Variants in USP9Y observed in about 807,000 individuals in gnomAD.
USP9Y encodes ubiquitin specific peptidase 9 Y-linked.
In USP9Y, 41 loss-of-function variants were observed where a neutral mutation model predicts 53.1. The ratio of observed to expected loss-of-function variants is 0.77; its 90% CI spans 0.60 to 1.00. The LOEUF (loss-of-function observed/expected upper bound fraction) is 1.00, where lower values mean the gene tolerates loss of function less well. Ranked by LOEUF, USP9Y falls within the 50% of genes least tolerant of loss-of-function variation. USP9Y has a pLI of 0.00. For missense variants in USP9Y, 567 were observed against 535.8 expected (o/e 1.06, Z -0.58); for synonymous variants, 220 against 173.7 (o/e 1.27, Z -2.09).
At chrY:12,826,435 TTA>T (rs2053546170) in intron 33 of USP9Y, among the ~76,000 whole-genome samples, 1 of 29,402 alleles carries the variant, frequency 3.4e-5, no homozygotes, top group Non-Finnish European at 8.1e-5. Context: ...AATACAGAAA[TTA>T]GCTGGGCATG....
intron 3 of USP9Y, among the ~76,000 whole-genome samples, chrY:12,714,105 C>A: frequency 1.0e-4 from 3 of 30,038 alleles, no homozygotes; most frequent in African/African-American, 2.6e-4. Flanking sequence ...GTTGGTCAGG[C>A]TGGTCTCAAG....
chrY:12,856,839 A>G lies in USP9Y; in HGVS notation c.7428A>G (p.Pro2476=). 5.2e-6 allele frequency: 2 copies of G among 381,977 alleles called. No homozygotes were observed. Among genetic ancestry groups the G allele is most frequent in the African/African-American group, 1.4e-4 (2 of 14,799 alleles). ...TTGCAAAAGCTTGTGAACTCTGTCC[A>G]GAAGAGGTAAAAAAAAAAAAGGCTA... ...MTLAKACELC[P]EEEPDDQDAP... Residue 2476 remains proline (P), a synonymous_variant, in exon 44 of 46, where the codon CCA becomes CCG. Transcript: ENST00000338981.
chrY:12,793,525 A>G (rs968623044), intron 27 of USP9Y, among the ~76,000 whole-genome samples: 74 of 32,982 alleles, frequency 2.2e-3, no homozygotes, highest in Non-Finnish European at 4.6e-3. Flanking sequence ...ATTGCACAAT[A>G]TTGTGCAGTT....
intron 1 of USP9Y, among the ~76,000 whole-genome samples, chrY:12,706,671 T>A: frequency 3.1e-5 from 1 of 32,442 alleles, no homozygotes; most frequent in Non-Finnish European, 7.6e-5. Context: ...AGGGAGGGAG[T>A]TTTTTTAGTT....
chrY:12,773,372 A>G, intron 16 of USP9Y, among the ~76,000 whole-genome samples: 2 of 33,704 alleles, frequency 5.9e-5, no homozygotes, highest in Middle Eastern at 0.014. Context: ...GGCATTTTGT[A>G]GCTGCCTCAT....
intron 25 of USP9Y, 70 bp downstream of exon 25, chrY:12,790,602 A>G: frequency 3.1e-6 from 1 of 326,406 alleles, no homozygotes; most frequent in South Asian, 3.2e-5. Flanking sequence ...AAATTAAGCT[A>G]TGAGAATTTG....
intron 12 of USP9Y, among the ~76,000 whole-genome samples, chrY:12,754,206 CGT>C (rs371528539): frequency 2.8e-4 from 7 of 25,276 alleles, no homozygotes; most frequent in Admixed American, 1.2e-3. Context: ...ATACATGTTG[CGT>C]GTGTGTGTGT....
At chrY:12,746,328 G>A in intron 12 of USP9Y, among the ~76,000 whole-genome samples, 1 of 33,451 alleles carries the variant, frequency 3.0e-5, no homozygotes, top group Admixed American at 2.7e-4. Context: ...AACATTGTAG[G>A]CACTCCTATT....
chrY:12,813,804 A>G (rs2053533406), intron 31 of USP9Y, among the ~76,000 whole-genome samples: 1 of 33,843 alleles, frequency 3.0e-5, no homozygotes, highest in African/African-American at 1.2e-4. Flanking sequence ...GTCGCTTTGA[A>G]TCTGCATAGA....
In USP9Y at chrY:12,859,430, A is replaced by G; in HGVS notation, c.*14A>G. 1 of 397,178 alleles carries G rather than the reference A, an allele frequency of 2.5e-6. No individual in the cohort carries two copies. The highest frequency in any genetic ancestry group is 3.5e-6 in the Non-Finnish European group (1 of 282,341). The stretch of plus-strand genomic sequence containing the variant: ...AAGGATCAGTGAAAAGCAATAATTA[A>G]CTGCTTCCTTTATGACTATGCACTA... On this transcript the variant is annotated 3_prime_UTR_variant, in exon 46 of 46. Coordinates refer to ENST00000338981, the MANE Select transcript of USP9Y (RefSeq NM_004654.4).
Position 12,859,473 on chromosome Y carries a change from C to G in USP9Y, c.*57C>G. On this transcript the variant is annotated 3_prime_UTR_variant, in exon 46 of 46. Transcript: ENST00000338981. Reference sequence around the variant, plus strand: ...ATGCACTAAGGTCTTATAGTCCAAACTTTCTCTGTGTCTGGCTAGTATTGA... The same window carrying G: ...ATGCACTAAGGTCTTATAGTCCAAAGTTTCTCTGTGTCTGGCTAGTATTGA... The G allele has an allele frequency of 5.3e-6, 2 of 374,568 alleles. No individual in the cohort carries two copies. Among genetic ancestry groups the G allele is most frequent in the Non-Finnish European group, 7.6e-6 (2 of 263,866 alleles). The allele number at this position is 374,568 out of a possible 400,897, so 93.4% of individuals were successfully genotyped here.
At chrY:12,775,063 A>G in intron 17 of USP9Y, among the ~76,000 whole-genome samples, 1 of 33,596 alleles carries the variant, frequency 3.0e-5, no homozygotes, top group Non-Finnish European at 7.4e-5. Context: ...TTCTAAACTT[A>G]GTTTGAAAAA....
At chrY:12,763,519 C>T in intron 15 of USP9Y, among the ~76,000 whole-genome samples, 1 of 32,337 alleles carries the variant, frequency 3.1e-5, no homozygotes, top group Non-Finnish European at 7.5e-5. Context: ...GTTCTTTCTA[C>T]TTTCATTATG....
intron 17 of USP9Y, among the ~76,000 whole-genome samples, chrY:12,775,161 T>C (rs746800380): frequency 3.5e-5 from 1 of 28,602 alleles, no homozygotes; most frequent in Non-Finnish European, 8.6e-5. Flanking sequence ...TTCTCGCACC[T>C]TTTTTTTTTT....
chrY:12,779,055 A>C (rs754785017), intron 21 of USP9Y, among the ~76,000 whole-genome samples: 1 of 33,171 alleles, frequency 3.0e-5, no homozygotes, highest in African/African-American at 1.2e-4. Context: ...GATTCTTAGA[A>C]ATACATCTCA....
intron 34 of USP9Y, among the ~76,000 whole-genome samples, chrY:12,836,866 T>A (rs2053555598): frequency 3.1e-5 from 1 of 32,289 alleles, no homozygotes; most frequent in Non-Finnish European, 7.5e-5. Context: ...CCTGGCTAAT[T>A]TTTATATATA....
At chrY:12,818,035 T>C in intron 32 of USP9Y, among the ~76,000 whole-genome samples, 1 of 33,451 alleles carries the variant, frequency 3.0e-5, no homozygotes, top group Admixed American at 2.8e-4. Flanking sequence ...TAACATTATG[T>C]AAATTACTTC....
At chrY:12,782,168 T>G in intron 22 of USP9Y, among the ~76,000 whole-genome samples, 1 of 32,888 alleles carries the variant, frequency 3.0e-5, no homozygotes, top group Non-Finnish European at 7.5e-5. Context: ...TGGCTGGGAT[T>G]ACAGGTGTGT....
chrY:12,802,228 C>T, intron 27 of USP9Y: 1 of 34,858 alleles, frequency 2.9e-5, no homozygotes, highest in African/African-American at 1.2e-4. Flanking sequence ...TGGTACACGC[C>T]TCCAAACACC....
Sources: gnomAD v4.1 joint callset for allele counts (sites outside exome capture counted in the v4.1 genomes callset) on GRCh38, gnomAD v4.1.1 for gene constraint, MANE v1.5 for transcripts, NCBI Gene and HGNC (gene_info 2026-07-23, HGNC 2026-07-21) for gene names.